The following TFDP2 variants were observed in gnomAD, a reference collection of about 807,000 sequenced individuals.
The protein encoded by TFDP2 is transcription factor Dp-2 (E2F dimerization partner 2).
TFDP2 carries 17 observed loss-of-function variants against 59.3 expected under a neutral mutation model. That is an observed-to-expected ratio of 0.29 (90% CI 0.20 to 0.43). TFDP2 has a LOEUF of 0.43. Among genes scored for constraint, TFDP2 ranks in the 20% least tolerant of loss-of-function variants. The pLI, the probability that TFDP2 is intolerant of heterozygous loss-of-function variation, is 1.00. For missense variants in TFDP2, 391 were observed against 528.8 expected (o/e 0.74, Z 2.56); for synonymous variants, 180 against 194.7 (o/e 0.92, Z 0.63).
At chr3:142,139,115 C>T (rs762323750) in intron 1 of TFDP2, among the ~76,000 whole-genome samples, 7 of 152,114 alleles carry the variant, frequency 4.6e-5, no homozygotes, top group South Asian at 2.1e-4. Context: ...TGTACCACTG[C>T]GTAATGGCCT....
At chr3:142,022,049 A>T (rs1348396467) in intron 3 of TFDP2, among the ~76,000 whole-genome samples, 1 of 152,214 alleles carries the variant, frequency 6.6e-6, no homozygotes, top group East Asian at 1.9e-4. Context: ...CACCTGCTCA[A>T]CTAAAATTTC....
intron 11 of TFDP2, 74 bp downstream of exon 11, chr3:141,959,600 T>C: frequency 6.5e-6 from 10 of 1,546,400 alleles, no homozygotes; most frequent in Non-Finnish European, 8.7e-6. Flanking sequence ...TGCAATTTTC[T>C]ATAAGAAAGG....
chr3:142,021,090 C>T (rs1945563077), intron 3 of TFDP2, among the ~76,000 whole-genome samples: 3 of 152,210 alleles, frequency 2.0e-5, no homozygotes, highest in South Asian at 2.1e-4. Context: ...TGTACTGAAC[C>T]ATGTTCGCCA....
intron 4 of TFDP2, among the ~76,000 whole-genome samples, chr3:142,001,275 C>CT (rs1238603646): frequency 1.3e-5 from 2 of 152,222 alleles, no homozygotes. Context: ...CCTGTGCCCT[C>CT]TAGAGGAGCA....
At chr3:142,019,441 T>C (rs370967627) in intron 3 of TFDP2, among the ~76,000 whole-genome samples, 1 of 152,220 alleles carries the variant, frequency 6.6e-6, no homozygotes, top group Non-Finnish European at 1.5e-5. Context: ...AAGGCCTGTG[T>C]GTGTTTAAAT....
At chr3:142,096,215 T>TA (rs1420769508) in intron 2 of TFDP2, among the ~76,000 whole-genome samples, 2 of 152,204 alleles carry the variant, frequency 1.3e-5, no homozygotes, top group Non-Finnish European at 2.9e-5. Context: ...GAGGTGTTTG[T>TA]ATTTAAAGCT....
intron 8 of TFDP2, among the ~76,000 whole-genome samples, chr3:141,972,766 A>T (rs76445958): frequency 0.074 from 11,286 of 152,178 alleles, 514 homozygotes; most frequent in Non-Finnish European, 0.11. Flanking sequence ...GAATGACAGT[A>T]CCTTGGGGTC....
At chr3:142,047,737 T>A (rs1351461985) in intron 3 of TFDP2, among the ~76,000 whole-genome samples, 1 of 23,728 alleles carries the variant, frequency 4.2e-5, no homozygotes, top group Non-Finnish European at 1.5e-4. Context: ...ACTAATATGC[T>A]TTTTTTTTTT....
rs1559936817 is a variant in TFDP2 at position 141,968,381 on chromosome 3, C to CA, written c.732+1691_732+1692insT. Among the ~76,000 whole-genome samples the CA allele has an allele frequency of 3.3e-5, 3 of 90,524 alleles. 1 individual carries two copies. Among genetic ancestry groups the CA allele is most frequent in the East Asian group, 2.9e-4 (1 of 3,484 alleles). The allele number at this position is 90,524 out of a possible 152,430, so 59.4% of individuals were successfully genotyped here. ...CATATATCTCATATATAACATATAT[C>CA]TCATATATATAACATATATATCATA... is the stretch of plus-strand genomic sequence containing the variant. On this transcript the variant is annotated intron_variant, in intron 9 of 12. Transcript: ENST00000489671.
At chr3:142,136,821 A>G (rs996689339) in intron 1 of TFDP2, among the ~76,000 whole-genome samples, 2 of 152,018 alleles carry the variant, frequency 1.3e-5, no homozygotes, top group Non-Finnish European at 2.9e-5. Context: ...GTCAGGTACC[A>G]TGTTGCCTCC....
At chr3:142,006,629 T>G (rs1944234809) in intron 3 of TFDP2, among the ~76,000 whole-genome samples, 1 of 152,078 alleles carries the variant, frequency 6.6e-6, no homozygotes, top group East Asian at 1.9e-4. Flanking sequence ...TCACCACACC[T>G]GGCTAACTTT....
chr3:142,142,026 A>G (rs56291098), intron 1 of TFDP2, among the ~76,000 whole-genome samples: 12,642 of 152,226 alleles, frequency 0.083, 653 homozygotes, highest in Middle Eastern at 0.14. Flanking sequence ...GCCTTTCCTC[A>G]AAGATCTGAA....
intron 10 of TFDP2, 56 bp from the exon 11 acceptor site, chr3:141,959,896 T>A: frequency 6.4e-7 from 1 of 1,553,342 alleles, no homozygotes; most frequent in Non-Finnish European, 8.8e-7. Flanking sequence ...GTCTGAATAG[T>A]TTTGTATTCT....
chr3:142,045,116 T>C (rs1576824889), intron 3 of TFDP2, among the ~76,000 whole-genome samples: 2 of 152,030 alleles, frequency 1.3e-5, no homozygotes, highest in Admixed American at 1.3e-4. Context: ...GTTTCTTAAA[T>C]ATCAGATGTC....
intron 1 of TFDP2, among the ~76,000 whole-genome samples, chr3:142,139,343 T>C (rs905243338): frequency 2.6e-5 from 4 of 152,210 alleles, no homozygotes; most frequent in African/African-American, 4.8e-5. Flanking sequence ...TGTCTTTTAA[T>C]TGGGGGCATT....
chr3:142,082,156 T>C (rs531035512), intron 3 of TFDP2, among the ~76,000 whole-genome samples: 26 of 152,258 alleles, frequency 1.7e-4, no homozygotes, highest in Admixed American at 1.2e-3. Flanking sequence ...CAAACCCTGT[T>C]GTGAACTGTG....
intron 3 of TFDP2, among the ~76,000 whole-genome samples, chr3:142,088,681 G>C (rs2060894199): frequency 1.4e-5 from 2 of 147,908 alleles, no homozygotes; most frequent in South Asian, 4.3e-4. Flanking sequence ...TGCAATCATA[G>C]CTCACTGCAG....
In TFDP2 at chr3:142,004,467, T is replaced by C. The variant is rs967423981; in HGVS notation, c.186+974A>G. ...GCAATGAAGAGTTATTGCTTAAATGTTTGAGTACTTTTACTAATGGTGGGT... is the reference window on the plus strand; with the variant it reads ...GCAATGAAGAGTTATTGCTTAAATGCTTGAGTACTTTTACTAATGGTGGGT... On this transcript the variant is annotated intron_variant, in intron 4 of 12. Coordinates refer to ENST00000489671, the MANE Select transcript of TFDP2 (RefSeq NM_001178139.2). 7.9e-4 allele frequency among the ~76,000 whole-genome samples: 120 copies of C among 152,230 alleles called. 1 individual carries two copies. The highest frequency in any genetic ancestry group is 7.9e-3 in the Admixed American group (120 of 15,282).
chr3:142,088,931 G>A (rs1052287123), intron 3 of TFDP2, among the ~76,000 whole-genome samples: 9 of 151,722 alleles, frequency 5.9e-5, no homozygotes, highest in African/African-American at 2.2e-4. Flanking sequence ...TGGTTCAAGC[G>A]ATTCTCCTGC....
Sources: gnomAD v4.1 joint callset for allele counts (sites outside exome capture counted in the v4.1 genomes callset) on GRCh38, gnomAD v4.1.1 for gene constraint, MANE v1.5 for transcripts, NCBI Gene and HGNC (gene_info 2026-07-23, HGNC 2026-07-21) for gene names.